IL1RAPL1: variants seen among roughly 807,000 people sequenced by gnomAD.
IL1RAPL1 encodes interleukin-1 receptor accessory protein-like 1.
A neutral mutation model predicts 48.4 loss-of-function variants in IL1RAPL1; 3 were observed. The observed-to-expected ratio is 0.06, with a 90% CI of 0.03 to 0.16. IL1RAPL1 has a LOEUF of 0.16. IL1RAPL1 is among the 10% of genes least tolerant of loss of function. IL1RAPL1 has a pLI of 1.00. For synonymous variants in IL1RAPL1, 185 were observed against 187.7 expected, an observed-to-expected ratio of 0.99 and a Z score of 0.12; for missense variants, 349 against 530.6, an observed-to-expected ratio of 0.66 and a Z score of 3.36.
intron 8 of IL1RAPL1, among the ~76,000 whole-genome samples, chrX:29,932,680 G>A (rs1376471900): frequency 2.7e-5 from 3 of 111,485 alleles, no homozygotes; most frequent in Non-Finnish European, 5.7e-5. Context: ...TTTCTCATCT[G>A]GCTTATAATT....
chrX:29,321,527 G>A (rs774729755), intron 3 of IL1RAPL1, among the ~76,000 whole-genome samples: 14 of 111,930 alleles, frequency 1.3e-4, no homozygotes, highest in Non-Finnish European at 2.4e-4. Flanking sequence ...ACTGTTTTTC[G>A]TATGTTTGAA....
chrX:28,815,783 A>G (rs1936856120), intron 2 of IL1RAPL1, among the ~76,000 whole-genome samples: 3 of 89,235 alleles, frequency 3.4e-5, no homozygotes, highest in African/African-American at 4.0e-5. Context: ...AAGTGACAAG[A>G]TTTCATTCTT....
chrX:29,762,294 T>A (rs1381675535), intron 6 of IL1RAPL1, among the ~76,000 whole-genome samples: 1 of 111,938 alleles, frequency 8.9e-6, no homozygotes, highest in East Asian at 2.8e-4. Flanking sequence ...CTTTCTATTG[T>A]CAGTAGCTGT....
intron 2 of IL1RAPL1, among the ~76,000 whole-genome samples, chrX:28,970,580 C>G (rs1196422358): frequency 9.0e-6 from 1 of 111,681 alleles, no homozygotes; most frequent in Admixed American, 9.5e-5. Context: ...TAAATCTTTA[C>G]ATATAATTAC....
At chrX:29,690,463 G>A (rs1019889967) in intron 6 of IL1RAPL1, among the ~76,000 whole-genome samples, 1 of 111,611 alleles carries the variant, frequency 9.0e-6, no homozygotes, top group Non-Finnish European at 1.9e-5. Flanking sequence ...TTTTCCTCTT[G>A]AGGACAGGAA....
intron 5 of IL1RAPL1, among the ~76,000 whole-genome samples, chrX:29,537,515 AC>A (rs1921272823): frequency 9.2e-6 from 1 of 108,835 alleles, no homozygotes. Context: ...AGATCTCAGC[AC>A]CCCCTTTTAT....
At chrX:28,830,167 G>A (rs1174956733) in intron 2 of IL1RAPL1, among the ~76,000 whole-genome samples, 1 of 111,656 alleles carries the variant, frequency 9.0e-6, no homozygotes, top group Non-Finnish European at 1.9e-5. Flanking sequence ...GAGGTAGGAA[G>A]TTTATCATCA....
chrX:28,682,806 T>G (rs928126707), intron 1 of IL1RAPL1, among the ~76,000 whole-genome samples: 3 of 112,427 alleles, frequency 2.7e-5, no homozygotes, highest in Admixed American at 9.5e-5. Context: ...AATCCTCTAG[T>G]ACGTTTCTTC....
chrX:29,067,265 T>C (rs1301833516), intron 2 of IL1RAPL1, among the ~76,000 whole-genome samples: 1 of 111,742 alleles, frequency 8.9e-6, no homozygotes, highest in East Asian at 2.8e-4. Context: ...TAAATGCCAC[T>C]GTACGTTTCA....
chrX:29,777,208 C>A (rs1167983442), intron 6 of IL1RAPL1, among the ~76,000 whole-genome samples: 2 of 112,097 alleles, frequency 1.8e-5, no homozygotes, highest in Non-Finnish European at 3.8e-5. Context: ...AATGAGAATC[C>A]TTTTGGACTT....
chrX:29,686,592 C>T (rs994745370), intron 6 of IL1RAPL1, among the ~76,000 whole-genome samples: 27 of 106,710 alleles, frequency 2.5e-4, no homozygotes, highest in Non-Finnish European at 4.6e-4. Flanking sequence ...GAGTCTCGCT[C>T]TGTCGCCCAG....
At chrX:28,592,859 T>A (rs1321757014) in intron 1 of IL1RAPL1, among the ~76,000 whole-genome samples, 1 of 111,965 alleles carries the variant, frequency 8.9e-6, no homozygotes, top group Admixed American at 9.5e-5. Context: ...TTATCTGACT[T>A]CATTGATGCC....
chrX:29,131,274 G>A lies in IL1RAPL1; in HGVS notation c.83-151664G>A, dbSNP rs866430345. Among the ~76,000 whole-genome samples the A allele has an allele frequency of 6.2e-3, 645 of 103,947 alleles. 6 individuals are homozygous for A. The highest frequency in any genetic ancestry group is 0.02 in the African/African-American group (565 of 28,951). 90.3% of individuals were successfully genotyped at this position (103,947 alleles called of 115,157 possible). ...CTAGTTTATATGCCTGTGTGTGTGT[G>A]TATATATATATATATATGCTGGCAA... On this transcript the variant is annotated intron_variant, in intron 2 of 10. Coordinates refer to ENST00000378993, the MANE Select transcript of IL1RAPL1 (RefSeq NM_014271.4).
At chrX:29,099,389 A>G (rs1928284904) in intron 2 of IL1RAPL1, among the ~76,000 whole-genome samples, 1 of 112,104 alleles carries the variant, frequency 8.9e-6, no homozygotes, top group Non-Finnish European at 1.9e-5. Context: ...TAATACTATT[A>G]TAGGTAGTGT....
intron 2 of IL1RAPL1, among the ~76,000 whole-genome samples, chrX:28,904,970 C>A (rs1443439041): frequency 1.8e-5 from 2 of 111,573 alleles, no homozygotes; most frequent in African/African-American, 6.5e-5. Flanking sequence ...TAGAGACTTT[C>A]ATGGTATGTT....
chrX:29,795,313 G>A (rs1316833414), intron 6 of IL1RAPL1, among the ~76,000 whole-genome samples: 1 of 111,765 alleles, frequency 8.9e-6, no homozygotes, highest in African/African-American at 3.2e-5. Context: ...TGAACCAATG[G>A]CCTGGTTTGT....
chrX:28,620,453 C>G (rs1232143371), intron 1 of IL1RAPL1, among the ~76,000 whole-genome samples: 1 of 111,259 alleles, frequency 9.0e-6, no homozygotes, highest in East Asian at 2.8e-4. Flanking sequence ...TTACACCCCT[C>G]AAGCCCCTCA....
chrX:29,872,599 C>T (rs1212923641), intron 6 of IL1RAPL1, among the ~76,000 whole-genome samples: 2 of 112,139 alleles, frequency 1.8e-5, no homozygotes, highest in Non-Finnish European at 3.8e-5. Context: ...GCTGGGCTAT[C>T]TGCTGTTAGC....
chrX:28,738,704 T>A, intron 1 of IL1RAPL1, among the ~76,000 whole-genome samples: 2 of 109,958 alleles, frequency 1.8e-5, no homozygotes, highest in Non-Finnish European at 3.8e-5. Context: ...AGAGGGAGGT[T>A]AGTGCAAGAT....
Sources: allele counts gnomAD v4.1 joint callset (sites outside exome capture counted in the v4.1 genomes callset), GRCh38; gene constraint gnomAD v4.1.1; transcripts MANE v1.5; gene names NCBI Gene and HGNC (gene_info 2026-07-23, HGNC 2026-07-21).